The following HECW1 variants were observed in gnomAD, a reference collection of about 807,000 sequenced individuals.
The protein encoded by HECW1 is HECT, C2 and WW domain containing E3 ubiquitin protein ligase 1, also known as E3 ubiquitin-protein ligase HECW1.
In HECW1, 61 loss-of-function variants were observed where a neutral mutation model predicts 182.3. That is an observed-to-expected ratio of 0.33 (90% CI 0.27 to 0.41). The LOEUF (loss-of-function observed/expected upper bound fraction) is 0.41, where lower values mean the gene tolerates loss of function less well. HECW1 is among the 10% of genes least tolerant of loss of function. The probability of loss-of-function intolerance (pLI) is 1.00; values close to 1 mark genes in which losing one functional copy is unlikely to be tolerated. For missense variants in HECW1, 1,739 were observed against 2,108.9 expected (o/e 0.82, Z 3.44); for synonymous variants, 859 against 832.6 (o/e 1.03, Z -0.55).
intron 24 of HECW1, chr7:43,522,354 C>T (rs949679300): frequency 1.3e-5 from 2 of 152,078 alleles, no homozygotes; most frequent in Non-Finnish European, 2.9e-5. Context: ...GAGTTCATGT[C>T]CTGATTCCCT....
In HECW1 at chr7:43,488,430, GAAAGAGAAAGAA is replaced by G. The variant is rs1462304652; in HGVS notation, c.3235-3643_3235-3632del. Among the ~76,000 whole-genome samples the G allele has an allele frequency of 7.4e-3, 643 of 86,670 alleles. 12 individuals carry two copies. The highest frequency in any genetic ancestry group is 0.023 in the South Asian group (62 of 2,664). 56.9% of individuals were successfully genotyped at this position (86,670 alleles called of 152,430 possible). On this transcript the variant is annotated intron_variant, in intron 17 of 29. Coordinates refer to ENST00000395891, the MANE Select transcript of HECW1 (RefSeq NM_015052.5). ...AAAGAAAGAGAGAGAGAGAAAGAAA[GAAAGAGAAAGAA>G]AGAAAGAAAGAAAGAAAGAAAGAAA...
intron 5 of HECW1, among the ~76,000 whole-genome samples, chr7:43,328,447 G>A (rs770431995): frequency 5.3e-5 from 8 of 152,210 alleles, no homozygotes; most frequent in Middle Eastern, 3.2e-3. Flanking sequence ...GAGGGGCTGC[G>A]GTTGCTGCTG....
chr7:43,333,618 T>C (rs2152793650), intron 5 of HECW1, among the ~76,000 whole-genome samples: 1 of 152,336 alleles, frequency 6.6e-6, no homozygotes, highest in South Asian at 2.1e-4. Flanking sequence ...AATTATATAA[T>C]GAATGAATTA....
chr7:43,199,057 C>T (rs906595915), intron 2 of HECW1, among the ~76,000 whole-genome samples: 8 of 152,204 alleles, frequency 5.3e-5, no homozygotes, highest in African/African-American at 1.9e-4. Context: ...GTCCAAATAT[C>T]CTGCCTCCAC....
At chr7:43,454,105 G>T (rs1304664919) in intron 12 of HECW1, among the ~76,000 whole-genome samples, 1 of 152,150 alleles carries the variant, frequency 6.6e-6, no homozygotes, top group Non-Finnish European at 1.5e-5. Flanking sequence ...TATCATTATT[G>T]CAGCTTCATT....
intron 3 of HECW1, among the ~76,000 whole-genome samples, chr7:43,261,360 G>A (rs1288561704): frequency 6.6e-6 from 1 of 152,212 alleles, no homozygotes; most frequent in South Asian, 2.1e-4. Context: ...TCTTTGAAGA[G>A]GGCAGAACCT....
At chr7:43,114,568 T>C (rs967184212) in intron 2 of HECW1, among the ~76,000 whole-genome samples, 177 bp downstream of exon 2, 1 of 152,226 alleles carries the variant, frequency 6.6e-6, no homozygotes, top group Non-Finnish European at 1.5e-5. Flanking sequence ...GCTTGCTGCT[T>C]CCTCTGGAAT....
intron 2 of HECW1, among the ~76,000 whole-genome samples, chr7:43,237,831 T>TCC (rs1554321756): frequency 1.4e-5 from 2 of 139,708 alleles, no homozygotes; most frequent in African/African-American, 6.2e-5. Flanking sequence ...TCACCAGTCT[T>TCC]TCCCCCCCGC....
chr7:43,248,700 TCC>T (rs1799698865), intron 3 of HECW1: 1 of 7,014 alleles, frequency 1.4e-4, no homozygotes, highest in Non-Finnish European at 4.9e-4. Flanking sequence ...CTCCTTTTCC[TCC>T]TCCTCCTCCT....
intron 17 of HECW1, among the ~76,000 whole-genome samples, chr7:43,488,238 A>G (rs974033562): frequency 5.3e-5 from 8 of 151,496 alleles, no homozygotes; most frequent in Non-Finnish European, 8.8e-5. Flanking sequence ...TGAACCCGGG[A>G]GGCAGAGGTT....
At chr7:43,542,130 T>A in intron 26 of HECW1, 132 bp downstream of exon 26, 1 of 718,900 alleles carries the variant, frequency 1.4e-6, no homozygotes, top group South Asian at 5.5e-5. Context: ...TTGTTGGCCA[T>A]CCAATCTCCA....
intron 5 of HECW1, among the ~76,000 whole-genome samples, chr7:43,345,576 A>C (rs7795330): frequency 0.086 from 13,043 of 151,826 alleles, 1,015 homozygotes; most frequent in African/African-American, 0.21. Context: ...TTATCCCTCG[A>C]TCCCCTCTCA....
chr7:43,274,664 C>G, intron 3 of HECW1: 1 of 270,134 alleles, frequency 3.7e-6, no homozygotes, highest in South Asian at 3.7e-5. Flanking sequence ...AGAGAGAGAG[C>G]GAGAGAGAGC....
chr7:43,244,347 C>T (rs1195700598), intron 3 of HECW1, among the ~76,000 whole-genome samples: 1 of 152,228 alleles, frequency 6.6e-6, no homozygotes, highest in Non-Finnish European at 1.5e-5. Context: ...TGACTCAGAG[C>T]CAGGCCATCC....
At chr7:43,263,228 T>G (rs1051907314) in intron 3 of HECW1, among the ~76,000 whole-genome samples, 3 of 152,224 alleles carry the variant, frequency 2.0e-5, no homozygotes, top group African/African-American at 7.2e-5. Context: ...TTTTTGCCTC[T>G]TAAGGACATA....
At chr7:43,496,855 G>T (rs1317720899) in intron 19 of HECW1, among the ~76,000 whole-genome samples, 1 of 152,304 alleles carries the variant, frequency 6.6e-6, no homozygotes, top group East Asian at 1.9e-4. Context: ...TCTTCAAGGG[G>T]CATGGAGGTG....
intron 6 of HECW1, among the ~76,000 whole-genome samples, chr7:43,391,239 T>C (rs907022616): frequency 1.3e-5 from 2 of 152,220 alleles, no homozygotes; most frequent in Non-Finnish European, 2.9e-5. Flanking sequence ...TTAGAAGGTA[T>C]GTAAGTTCTG....
intron 5 of HECW1, among the ~76,000 whole-genome samples, chr7:43,353,847 A>G (rs1268162857): frequency 6.6e-6 from 1 of 152,168 alleles, no homozygotes; most frequent in Non-Finnish European, 1.5e-5. Flanking sequence ...CAAAGCAAGG[A>G]AGAAAGACCA....
At chr7:43,172,412 A>G (rs1791786419) in intron 2 of HECW1, among the ~76,000 whole-genome samples, 3 of 131,302 alleles carry the variant, frequency 2.3e-5, no homozygotes, top group African/African-American at 8.5e-5. Flanking sequence ...ATCTCTAGAA[A>G]TCCTAGAGAT....
Sources: gnomAD v4.1 joint callset for allele counts (sites outside exome capture counted in the v4.1 genomes callset) on GRCh38, gnomAD v4.1.1 for gene constraint, MANE v1.5 for transcripts, NCBI Gene and HGNC (gene_info 2026-07-23, HGNC 2026-07-21) for gene names.